The following DBF4 variants were observed in gnomAD, a reference collection of about 807,000 sequenced individuals.
The protein encoded by DBF4 is protein DBF4 homolog A.
In DBF4, 25 loss-of-function variants were observed where a neutral mutation model predicts 76.6. That is an observed-to-expected ratio of 0.33 (90% CI 0.24 to 0.46). The LOEUF is 0.46. Among genes scored for constraint, DBF4 ranks in the 20% least tolerant of loss-of-function variants. DBF4 has a pLI of 1.00. For missense variants in DBF4, 638 were observed against 760.8 expected, an observed-to-expected ratio of 0.84 and a Z score of 1.90; for synonymous variants, 213 against 258.0, an observed-to-expected ratio of 0.83 and a Z score of 1.67.
intron 10 of DBF4, among the ~76,000 whole-genome samples, chr7:87,903,987 C>G (rs1045725898): frequency 6.6e-6 from 1 of 152,020 alleles, no homozygotes; most frequent in African/African-American, 2.4e-5. Flanking sequence ...TGAGCCACTG[C>G]GCCTGATCTG....
chr7:87,892,647 T>C (rs1839523431), intron 6 of DBF4, among the ~76,000 whole-genome samples: 1 of 152,242 alleles, frequency 6.6e-6, no homozygotes, highest in African/African-American at 2.4e-5. Context: ...TTTAGTTTTG[T>C]TATAATATGC....
intron 6 of DBF4, among the ~76,000 whole-genome samples, chr7:87,894,453 G>GA (rs1351520024): frequency 1.1e-4 from 17 of 151,042 alleles, no homozygotes; most frequent in Admixed American, 6.6e-4. Flanking sequence ...CTGTCTCGGG[G>GA]AAAAAAAAGA....
At chr7:87,903,899 T>C (rs1442435467) in intron 10 of DBF4, among the ~76,000 whole-genome samples, 1 of 152,040 alleles carries the variant, frequency 6.6e-6, no homozygotes, top group African/African-American at 2.4e-5. Flanking sequence ...TTTCACCATG[T>C]TGGCCAAGCT....
chr7:87,907,411 G>A lies in DBF4; in HGVS notation c.1273G>A (p.Gly425Arg). The A allele has an allele frequency of 1.9e-6, 3 of 1,613,986 alleles. No individual in the cohort carries two copies. Among genetic ancestry groups the A allele is most frequent in the Non-Finnish European group, 2.5e-6 (3 of 1,179,946 alleles). Residue 425 changes from glycine (G) to arginine (R), a missense_variant, in exon 12 of 12, where the codon GGG (glycine) becomes AGG (arginine). By Grantham distance (125) the Gly-to-Arg change is moderately radical. Coordinates refer to ENST00000265728, the MANE Select transcript of DBF4 (RefSeq NM_006716.4). ...CCCCCACCCTTCAAATGAATTGAGAGGGCTTAATGAGAAAATGAGTAATAA... is the reference window on the plus strand; with the variant it reads ...CCCCCACCCTTCAAATGAATTGAGAAGGCTTAATGAGAAAATGAGTAATAA... The part of the protein sequence containing the change: ...PIPHPSNELR[G>R]LNEKMSNKCS...
Position 87,876,630 on chromosome 7 carries a change from G to A in DBF4, c.-103G>A. ...GTAGAGGCCGTAGCTGGCGGAAGGA[G>A]AGAGGCGGCCGTCCTGTCAACAGGC... On this transcript the variant is annotated 5_prime_UTR_variant, in exon 1 of 12. Transcript: ENST00000265728. The A allele has an allele frequency of 7.6e-7, 1 of 1,319,694 alleles. No individual in the cohort carries two copies. Among genetic ancestry groups the A allele is most frequent in the Non-Finnish European group, 1.1e-6 (1 of 933,470 alleles). 81.7% of individuals were successfully genotyped at this position (1,319,694 alleles called of 1,614,324 possible). A position where few individuals can be genotyped will look rare whatever the true frequency, so the allele number is the denominator to read the frequency against.
At chr7:87,892,635 G>A (rs532645483) in intron 6 of DBF4, among the ~76,000 whole-genome samples, 2 of 152,270 alleles carry the variant, frequency 1.3e-5, no homozygotes, top group South Asian at 4.1e-4. Flanking sequence ...AGTAAGACTA[G>A]GTTTAGTTTT....
intron 6 of DBF4, among the ~76,000 whole-genome samples, chr7:87,890,566 A>G (rs1186407011): frequency 1.3e-5 from 2 of 152,218 alleles, no homozygotes; most frequent in African/African-American, 4.8e-5. Flanking sequence ...ATGGATAGAT[A>G]GCATTCTGGG....
At chr7:87,894,656 A>G (rs185836446) in intron 6 of DBF4, among the ~76,000 whole-genome samples, 1 of 152,310 alleles carries the variant, frequency 6.6e-6, no homozygotes, top group African/African-American at 2.4e-5. Context: ...GATATCCTTC[A>G]TGTGATCATA....
At position 87,908,117 on chromosome 7, in the gene DBF4, C is replaced by T. The variant is rs1474743213; in HGVS notation, c.1979C>T (p.Thr660Ile). Residue 660 changes from threonine to isoleucine, a missense_variant, in exon 12 of 12, where the codon ACA becomes ATA. Coordinates refer to ENST00000265728, the MANE Select transcript of DBF4 (RefSeq NM_006716.4). ...WEEENSDNLL[T>I]AFFSSPSTST... ...GAGGAAAATTCAGATAATCTGTTAA[C>T]AGCGTTTTTCTCGTCCCCTTCAACT... 10 of 1,606,440 alleles carry T rather than the reference C, an allele frequency of 6.2e-6. No individual in the cohort carries two copies. The highest frequency in any genetic ancestry group is 2.7e-5 in the African/African-American group (2 of 74,702).
chr7:87,883,536 G>A (rs1244891135), intron 2 of DBF4, among the ~76,000 whole-genome samples: 1 of 152,140 alleles, frequency 6.6e-6, no homozygotes, highest in African/African-American at 2.4e-5. Context: ...TATTTGATGT[G>A]TGAATTATTT....
intron 10 of DBF4, among the ~76,000 whole-genome samples, chr7:87,902,455 T>C (rs1157948751): frequency 6.6e-6 from 1 of 152,208 alleles, no homozygotes; most frequent in East Asian, 1.9e-4. Context: ...CCTTATGGTC[T>C]GGCAGTGTAG....
intron 1 of DBF4, 151 bp downstream of exon 1, chr7:87,876,929 G>T: frequency 2.4e-6 from 2 of 837,532 alleles, no homozygotes; most frequent in African/African-American, 1.7e-5. Flanking sequence ...CCCGTTCAGT[G>T]TTTTGCCTAA....
chr7:87,888,377 T>G (rs1363304927), intron 6 of DBF4: 1 of 915,708 alleles, frequency 1.1e-6, no homozygotes, highest in Non-Finnish European at 1.3e-6. Flanking sequence ...ATGTAAGTAA[T>G]GTACTTCTTT....
chr7:87,887,076 C>T (rs1839374128), intron 4 of DBF4, among the ~76,000 whole-genome samples, 182 bp downstream of exon 4: 1 of 152,084 alleles, frequency 6.6e-6, no homozygotes, highest in African/African-American at 2.4e-5. Context: ...CATCTTGTGG[C>T]CTTTTAAAAT....
At chr7:87,884,842 C>T (rs770264997) in intron 2 of DBF4, 137 bp from the exon 3 acceptor site, 14 of 588,452 alleles carry the variant, frequency 2.4e-5, no homozygotes, top group East Asian at 2.1e-4. Flanking sequence ...AAGGCCAAGG[C>T]GGGAGGATCA....
At position 87,900,231 on chromosome 7, in the gene DBF4, C is replaced by G; in HGVS notation, c.691C>G (p.Pro231Ala). 1.3e-6 allele frequency: 2 copies of G among 1,591,048 alleles called. No individual in the cohort carries two copies. The highest frequency in any genetic ancestry group is 1.7e-6 in the Non-Finnish European group (2 of 1,164,794). ...TTTTTATTCTTCTAGACTTTATAGG[C>G]CATTTTATCTTCAGCTGACCAATAT... ...KVEDMSQLYRPFYLQLTNMPF... is the reference protein window; with the variant it reads ...KVEDMSQLYRAFYLQLTNMPF... The change falls in exon 9 of 12, where the codon CCA becomes GCA. Residue 231 changes from proline (P) to alanine (A), a missense_variant. Coordinates refer to ENST00000265728, the MANE Select transcript of DBF4 (RefSeq NM_006716.4).
At chr7:87,881,953 G>T (rs1839224691) in intron 2 of DBF4, among the ~76,000 whole-genome samples, 1 of 151,712 alleles carries the variant, frequency 6.6e-6, no homozygotes, top group Non-Finnish European at 1.5e-5. Flanking sequence ...AATGCAGTTT[G>T]TTTGTACAAC....
At chr7:87,898,392 A>G (rs550830861) in intron 8 of DBF4, among the ~76,000 whole-genome samples, 28 of 152,332 alleles carry the variant, frequency 1.8e-4, no homozygotes, top group African/African-American at 6.7e-4. Context: ...ATTCACTGCA[A>G]TCCCTATCAA....
At position 87,900,305 on chromosome 7, in the gene DBF4, A is replaced by G; in HGVS notation, c.765A>G (p.Val255=). The part of the protein sequence containing the change: ...SIQKPCSPFD[V]DKPSSMQKQT... ...AGAAGCCCTGCAGTCCATTTGATGT[A>G]GACAAGCCATCTAGTATGCAAAAGC... Residue 255 remains valine, a synonymous_variant, in exon 9 of 12, where the codon GTA becomes GTG. Coordinates refer to ENST00000265728, the MANE Select transcript of DBF4 (RefSeq NM_006716.4). The G allele has an allele frequency of 1.9e-6, 3 of 1,602,376 alleles. No homozygotes were observed. The highest frequency in any genetic ancestry group is 2.5e-6 in the Non-Finnish European group (3 of 1,177,020).
Sources: gnomAD v4.1 joint callset for allele counts (sites outside exome capture counted in the v4.1 genomes callset) on GRCh38, gnomAD v4.1.1 for gene constraint, MANE v1.5 for transcripts, NCBI Gene and HGNC (gene_info 2026-07-23, HGNC 2026-07-21) for gene names.